Variants in E2F3 observed in about 807,000 individuals in gnomAD.
E2F3 encodes E2F transcription factor 3, also known as transcription factor E2F3.
In E2F3, 11 loss-of-function variants were observed where a neutral mutation model predicts 44.4. That is an observed-to-expected ratio of 0.25 (90% CI 0.16 to 0.41). The LOEUF (loss-of-function observed/expected upper bound fraction) is 0.41. Among genes scored for constraint, E2F3 ranks in the 10% least tolerant of loss-of-function variants. The pLI is 1.00. For synonymous variants in E2F3, 249 were observed against 253.0 expected (o/e 0.98, Z 0.15); for missense variants, 487 against 583.6 (o/e 0.83, Z 1.70).
At chr6:20,448,004 A>G (rs1285007112) in intron 1 of E2F3, among the ~76,000 whole-genome samples, 1 of 152,172 alleles carries the variant, frequency 6.6e-6, no homozygotes, top group African/African-American at 2.4e-5. Context: ...TCGTCCTTAA[A>G]CCTTTCTGCC....
chr6:20,406,657 C>G (rs751890188), intron 1 of E2F3, among the ~76,000 whole-genome samples: 18 of 152,144 alleles, frequency 1.2e-4, no homozygotes, highest in Non-Finnish European at 2.2e-4. Flanking sequence ...CAAGCATATG[C>G]CTTGAATTGT....
chr6:20,473,580 C>T (rs952824261), intron 1 of E2F3, among the ~76,000 whole-genome samples: 1 of 152,042 alleles, frequency 6.6e-6, no homozygotes, highest in African/African-American at 2.4e-5. Context: ...TGCCTTATAC[C>T]AAAAAGGGAT....
intron 1 of E2F3, among the ~76,000 whole-genome samples, chr6:20,424,950 G>A (rs946041452): frequency 9.2e-5 from 14 of 152,184 alleles, no homozygotes; most frequent in African/African-American, 2.7e-4. Context: ...ACCCAGACAC[G>A]TGGGGTTTTC....
At chr6:20,408,330 AGT>A (rs3059786) in intron 1 of E2F3, among the ~76,000 whole-genome samples, 29,327 of 152,112 alleles carry the variant, frequency 0.19, 3,433 homozygotes, top group South Asian at 0.3. Context: ...AAACTTACAG[AGT>A]GGGGATTATT....
Position 20,402,075 on chromosome 6 carries a change from G to A in E2F3, c.-158G>A. On this transcript the variant is annotated 5_prime_UTR_variant, in exon 1 of 7. The change creates a new upstream start codon in the 5' untranslated region. Transcript: ENST00000346618. The surrounding 1 kb of genome is among the most constrained non-coding windows in gnomAD (Gnocchi z 5.6). ...ATTTTTGGCCCCCGGGGCCTGTGCG[G>A]TGCGGAAAAATAAAAAGAAAAGAGA... 1.5e-6 allele frequency: 2 copies of A among 1,307,860 alleles called. No homozygotes were observed. The highest frequency in any genetic ancestry group is 3.1e-5 in the African/African-American group (2 of 64,178). 81.0% of individuals were successfully genotyped at this position (1,307,860 alleles called of 1,614,324 possible). A position where few individuals can be genotyped will look rare whatever the true frequency, so the allele number is the denominator to read the frequency against.
intron 1 of E2F3, among the ~76,000 whole-genome samples, chr6:20,471,180 CT>C (rs1238318596): frequency 6.6e-6 from 1 of 152,110 alleles, no homozygotes; most frequent in Non-Finnish European, 1.5e-5. Context: ...TTCACACCTG[CT>C]TTTTTTAAGT....
intron 1 of E2F3, among the ~76,000 whole-genome samples, chr6:20,475,535 A>C (rs1220606215): frequency 6.6e-6 from 1 of 152,072 alleles, no homozygotes; most frequent in Non-Finnish European, 1.5e-5. Flanking sequence ...TCATTTTTTG[A>C]GACAAGAGTC....
At chr6:20,406,616 C>T (rs1012484392) in intron 1 of E2F3, among the ~76,000 whole-genome samples, 6 of 152,132 alleles carry the variant, frequency 3.9e-5, no homozygotes, top group African/African-American at 1.2e-4. Flanking sequence ...CAGTAAGACA[C>T]GCCTATATAG....
At position 20,493,422 on chromosome 6, in the gene E2F3, G is replaced by A. The variant is rs1762606484; in HGVS notation, c.*2992G>A. The stretch of plus-strand genomic sequence containing the variant: ...AGTCGGGTGGCAATTGTCAGGGTGT[G>A]GGAATTTCTTTTCCTACGGGGTACG... On this transcript the variant is annotated 3_prime_UTR_variant, in exon 7 of 7. Coordinates refer to ENST00000346618, the MANE Select transcript of E2F3 (RefSeq NM_001949.5). The A allele has an allele frequency of 4.4e-6, 1 of 227,952 alleles. No homozygotes were observed. Among genetic ancestry groups the A allele is most frequent in the Admixed American group, 5.7e-5 (1 of 17,578 alleles). 14.1% of individuals were successfully genotyped at this position (227,952 alleles called of 1,614,324 possible).
chr6:20,472,817 G>C (rs545276210), intron 1 of E2F3, among the ~76,000 whole-genome samples: 1 of 152,306 alleles, frequency 6.6e-6, no homozygotes, highest in Non-Finnish European at 1.5e-5. Context: ...GATTATAGGA[G>C]AGGAGTATTG....
chr6:20,403,085 G>A (rs1010671624), intron 1 of E2F3, among the ~76,000 whole-genome samples: 1 of 152,024 alleles, frequency 6.6e-6, no homozygotes, highest in African/African-American at 2.4e-5. Flanking sequence ...GCCCCCAGTC[G>A]GCCTTGGAGG....
intron 1 of E2F3, among the ~76,000 whole-genome samples, chr6:20,431,470 C>G (rs1036127455): frequency 1.3e-5 from 2 of 152,080 alleles, no homozygotes; most frequent in African/African-American, 4.8e-5. Flanking sequence ...GCTTTTTTGT[C>G]TCTCTAGGAG....
chr6:20,425,676 G>C (rs530877659), intron 1 of E2F3, among the ~76,000 whole-genome samples: 1 of 152,292 alleles, frequency 6.6e-6, no homozygotes, highest in South Asian at 2.1e-4. Flanking sequence ...GGGATTACAG[G>C]CGTGAGCCAC....
chr6:20,412,631 T>A (rs1759713182), intron 1 of E2F3, among the ~76,000 whole-genome samples: 1 of 151,984 alleles, frequency 6.6e-6, no homozygotes, highest in Admixed American at 6.6e-5. Flanking sequence ...GTGGGAAGTT[T>A]GAGTGGTGTG....
intron 1 of E2F3, among the ~76,000 whole-genome samples, chr6:20,435,556 TC>T (rs1213741984): frequency 6.6e-6 from 1 of 152,136 alleles, no homozygotes; most frequent in Non-Finnish European, 1.5e-5. Flanking sequence ...ATCGAGACCA[TC>T]CTGGCCAACA....
At chr6:20,480,600 T>C (rs982987789) in intron 2 of E2F3, among the ~76,000 whole-genome samples, 3 of 152,188 alleles carry the variant, frequency 2.0e-5, no homozygotes, top group Non-Finnish European at 2.9e-5. Context: ...TGTGCACCTA[T>C]GGGGGAACAA....
At chr6:20,433,653 A>G (rs1760478007) in intron 1 of E2F3, among the ~76,000 whole-genome samples, 1 of 151,974 alleles carries the variant, frequency 6.6e-6, no homozygotes, top group South Asian at 2.1e-4. Flanking sequence ...ACACAGAAGA[A>G]CATAGATTAC....
At chr6:20,408,988 A>G (rs1581565933) in intron 1 of E2F3, among the ~76,000 whole-genome samples, 1 of 152,158 alleles carries the variant, frequency 6.6e-6, no homozygotes, top group South Asian at 2.1e-4. Context: ...AATCCCCTTC[A>G]TGTTGCAGGT....
intron 4 of E2F3, among the ~76,000 whole-genome samples, chr6:20,484,609 G>A (rs1021920624): frequency 1.3e-5 from 2 of 152,120 alleles, no homozygotes; most frequent in Non-Finnish European, 2.9e-5. Context: ...GTTATGTAGT[G>A]ACCTAAAACC....
Sources: gnomAD v4.1 joint callset for allele counts (sites outside exome capture counted in the v4.1 genomes callset) on GRCh38, gnomAD v4.1.1 for gene constraint, Gnocchi (gnomAD v3.1) non-coding constraint, MANE v1.5 for transcripts, NCBI Gene and HGNC (gene_info 2026-07-23, HGNC 2026-07-21) for gene names.